ARNT2: variants seen among roughly 807,000 people sequenced by gnomAD.
ARNT2 encodes aryl hydrocarbon receptor nuclear translocator 2, also known as ARNT protein 2.
Under a neutral mutation model 91.7 loss-of-function variants are expected in ARNT2, and 36 were observed. The ratio of observed to expected loss-of-function variants is 0.39; its 90% CI spans 0.30 to 0.52. The LOEUF is 0.52. Ranked by LOEUF, ARNT2 falls within the 20% of genes least tolerant of loss-of-function variation. The probability of loss-of-function intolerance (pLI) is 0.72; values close to 1 mark genes in which losing one functional copy is unlikely to be tolerated. For missense variants in ARNT2, 775 were observed against 939.3 expected, an observed-to-expected ratio of 0.83 and a Z score of 2.29; for synonymous variants, 365 against 347.1, an observed-to-expected ratio of 1.05 and a Z score of -0.57.
chr15:80,441,593 G>A (rs1047881579), intron 1 of ARNT2, among the ~76,000 whole-genome samples: 1 of 152,170 alleles, frequency 6.6e-6, no homozygotes, highest in African/African-American at 2.4e-5. Context: ...TTTTCCCAAT[G>A]TAAAGATCAG....
chr15:80,472,760 T>C (rs142558163), intron 4 of ARNT2, among the ~76,000 whole-genome samples: 8 of 152,308 alleles, frequency 5.3e-5, no homozygotes, highest in Middle Eastern at 3.4e-3. Flanking sequence ...GCAACAAGCA[T>C]AGACTGTTTA....
At chr15:80,500,371 A>C (rs1477006633) in intron 5 of ARNT2, among the ~76,000 whole-genome samples, 1 of 152,178 alleles carries the variant, frequency 6.6e-6, no homozygotes, top group Non-Finnish European at 1.5e-5. Context: ...TTTGTTCCTA[A>C]TTATTTTCTC....
chr15:80,413,258 C>A (rs181246886), intron 1 of ARNT2, among the ~76,000 whole-genome samples: 4 of 152,198 alleles, frequency 2.6e-5, no homozygotes, highest in Non-Finnish European at 4.4e-5. Context: ...CCCTCCACCC[C>A]CTCCCTTACC....
intron 8 of ARNT2, among the ~76,000 whole-genome samples, chr15:80,525,038 A>C (rs561417432): frequency 6.6e-6 from 1 of 152,184 alleles, no homozygotes; most frequent in African/African-American, 2.4e-5. Flanking sequence ...TTATCTCTGT[A>C]TAGTAGATTG....
At chr15:80,421,572 C>T (rs190011186) in intron 1 of ARNT2, among the ~76,000 whole-genome samples, 22 of 152,110 alleles carry the variant, frequency 1.4e-4, no homozygotes, top group African/African-American at 4.8e-4. Context: ...AACAATGCAC[C>T]GAATGACATT....
chr15:80,494,212 A>G (rs1369806986), intron 5 of ARNT2, among the ~76,000 whole-genome samples: 1 of 152,222 alleles, frequency 6.6e-6, no homozygotes, highest in Non-Finnish European at 1.5e-5. Flanking sequence ...TGTTTTTTGC[A>G]GAAATATTTC....
chr15:80,594,436 C>T lies in ARNT2; in HGVS notation c.*738C>T, dbSNP rs60289406. 0.02 allele frequency: 3,030 copies of T among 152,418 alleles called. 60 individuals carry two copies. Among genetic ancestry groups the T allele is most frequent in the African/African-American group, 0.057 (2,358 of 41,548 alleles). 9.4% of individuals were successfully genotyped at this position (152,418 alleles called of 1,614,324 possible). On this transcript the variant is annotated 3_prime_UTR_variant, in exon 19 of 19. Transcript: ENST00000303329. Reference sequence around the variant, plus strand: ...CCACCGGCCATGACCAGAGGTTGCTCGGCCCAGGGTCTGGGAGCTGGGCTA... The same window carrying T: ...CCACCGGCCATGACCAGAGGTTGCTTGGCCCAGGGTCTGGGAGCTGGGCTA...
At chr15:80,529,774 T>G (rs1179785410) in intron 8 of ARNT2, among the ~76,000 whole-genome samples, 1 of 152,208 alleles carries the variant, frequency 6.6e-6, no homozygotes. Context: ...TCCCTGCCAC[T>G]TAGATTTTTG....
At chr15:80,560,799 C>A (rs1000278306) in intron 11 of ARNT2, among the ~76,000 whole-genome samples, 11 of 152,218 alleles carry the variant, frequency 7.2e-5, no homozygotes, top group African/African-American at 2.2e-4. Flanking sequence ...CTGTTGGGGC[C>A]GCAGATGTGC....
At chr15:80,442,251 G>A (rs1002739495) in intron 1 of ARNT2, among the ~76,000 whole-genome samples, 3 of 152,200 alleles carry the variant, frequency 2.0e-5, no homozygotes, top group African/African-American at 4.8e-5. Context: ...CTTTCCCATC[G>A]TACTTCGTTC....
chr15:80,458,351 T>C (rs1896508108), intron 3 of ARNT2, among the ~76,000 whole-genome samples: 5 of 152,178 alleles, frequency 3.3e-5, no homozygotes, highest in Admixed American at 2.0e-4. Flanking sequence ...AACAGAGGAA[T>C]TCATTCTTCC....
chr15:80,434,778 G>C (rs1172726759), intron 1 of ARNT2, among the ~76,000 whole-genome samples: 1 of 151,938 alleles, frequency 6.6e-6, no homozygotes, highest in Non-Finnish European at 1.5e-5. Flanking sequence ...AAAAGGAGAG[G>C]GGATGTCCAG....
At chr15:80,569,920 C>T (rs556452859) in intron 12 of ARNT2, among the ~76,000 whole-genome samples, 10 of 152,360 alleles carry the variant, frequency 6.6e-5, no homozygotes, top group African/African-American at 2.2e-4. Context: ...GATTCTGGGC[C>T]TGGGCCAGAG....
chr15:80,511,361 G>A (rs1595992045), intron 6 of ARNT2, among the ~76,000 whole-genome samples: 3 of 152,194 alleles, frequency 2.0e-5, no homozygotes, highest in South Asian at 4.2e-4. Context: ...AACAACACAC[G>A]CTGGGGACTT....
rs181296726 is a variant in ARNT2, at chr15:80,460,723, T to C, written c.194+2747T>C. Among the ~76,000 whole-genome samples the C allele has an allele frequency of 2.0e-4, 30 of 152,260 alleles. No homozygotes were observed. In the East Asian group the frequency reaches 5.8e-3, roughly 29 times the overall value. ...TGATGGGGAGATGAAGACATGAAGATGCGTGAGAACAACTCTTTGAGCAGT... is the reference window on the plus strand; with the variant it reads ...TGATGGGGAGATGAAGACATGAAGACGCGTGAGAACAACTCTTTGAGCAGT... On this transcript the variant is annotated intron_variant, in intron 3 of 18. Coordinates refer to ENST00000303329, the MANE Select transcript of ARNT2 (RefSeq NM_014862.4).
chr15:80,441,102 A>T (rs1896180727), intron 1 of ARNT2: 1 of 490,524 alleles, frequency 2.0e-6, no homozygotes, highest in Non-Finnish European at 2.6e-6. Context: ...TTATGGTTTC[A>T]TAGGAAATCC....
At position 80,593,647 on chromosome 15, in the gene ARNT2, T is replaced by C; in HGVS notation, c.2103T>C (p.Tyr701=). ...PGDPTQGTGN[Y]NIEDFADLGM... Reference sequence around the variant, plus strand: ...ATCCAACCCAGGGGACTGGCAACTATAACATCGAAGACTTTGCCGACCTGG... The same window carrying C: ...ATCCAACCCAGGGGACTGGCAACTACAACATCGAAGACTTTGCCGACCTGG... Residue 701 remains tyrosine, a synonymous_variant, in exon 19 of 19, where the codon TAT becomes TAC. Coordinates refer to ENST00000303329, the MANE Select transcript of ARNT2 (RefSeq NM_014862.4). 1 of 1,607,688 alleles carries C rather than the reference T, an allele frequency of 6.2e-7. No homozygotes were observed. Among genetic ancestry groups the C allele is most frequent in the Non-Finnish European group, 8.5e-7 (1 of 1,176,364 alleles).
intron 17 of ARNT2, among the ~76,000 whole-genome samples, chr15:80,585,045 C>CTCA (rs1287580724): frequency 1.3e-5 from 2 of 152,224 alleles, no homozygotes; most frequent in African/African-American, 4.8e-5. Context: ...AACGCCCCTG[C>CTCA]CTGGGTCTCA....
At position 80,574,180 on chromosome 15, in the gene ARNT2, T is replaced by C. The variant is rs150257520; in HGVS notation, c.1349T>C (p.Val450Ala). ...QLQQQQAELEVHQRDGLSSYD... is the reference protein window; with the variant it reads ...QLQQQQAELEAHQRDGLSSYD... ...CAGCAACAGCAGGCAGAATTGGAAG[T>C]GCACCAGAGAGATGGATTGTCATCG... is the stretch of plus-strand genomic sequence containing the variant. The change falls in exon 13 of 19, where the codon GTG becomes GCG. Residue 450 changes from valine (V) to alanine (A), a missense_variant. Coordinates refer to ENST00000303329, the MANE Select transcript of ARNT2 (RefSeq NM_014862.4). The C allele has an allele frequency of 1.1e-3, 1,759 of 1,614,208 alleles. 3 individuals carry two copies. The highest frequency in any genetic ancestry group is 1.1e-3 in the Non-Finnish European group (1,340 of 1,180,036).
Sources: allele counts gnomAD v4.1 joint callset (sites outside exome capture counted in the v4.1 genomes callset), GRCh38; gene constraint gnomAD v4.1.1; transcripts MANE v1.5; gene names NCBI Gene and HGNC (gene_info 2026-07-23, HGNC 2026-07-21).